MAMDC2: variants seen among roughly 807,000 people sequenced by gnomAD.
The protein encoded by MAMDC2 is MAM domain-containing protein 2.
In MAMDC2, 57 loss-of-function variants were observed where a neutral mutation model predicts 89.8. That is an observed-to-expected ratio of 0.63 (90% CI 0.51 to 0.79). MAMDC2 has a LOEUF of 0.79. Ranked by LOEUF, MAMDC2 falls within the 30% of genes least tolerant of loss-of-function variation. MAMDC2 has a pLI of 0.00. For missense variants in MAMDC2, 800 were observed against 820.6 expected (o/e 0.97, Z 0.31); for synonymous variants, 313 against 293.4 (o/e 1.07, Z -0.68).
intron 11 of MAMDC2, among the ~76,000 whole-genome samples, chr9:70,207,665 G>C (rs2033255686): frequency 6.6e-6 from 1 of 152,276 alleles, no homozygotes; most frequent in East Asian, 1.9e-4. Context: ...TTTGGCTTTT[G>C]TTGTCATTGC....
chr9:70,129,776 T>A lies in MAMDC2; in HGVS notation c.901-1743T>A, dbSNP rs541826161. 4.6e-5 allele frequency among the ~76,000 whole-genome samples: 7 copies of A among 152,368 alleles called. 1 individual carries two copies. In the East Asian group the frequency reaches 1.3e-3, roughly 29 times the overall value. ...GACATTAGGCCTCGTATTTGTTTGC[T>A]AGGACTGCCCATAACAAAGTAGCAC... On this transcript the variant is annotated intron_variant, in intron 6 of 13. Coordinates refer to ENST00000377182, the MANE Select transcript of MAMDC2 (RefSeq NM_153267.5).
intron 11 of MAMDC2, among the ~76,000 whole-genome samples, chr9:70,204,594 C>T (rs1172267480): frequency 4.6e-5 from 7 of 151,480 alleles, no homozygotes; most frequent in Admixed American, 3.9e-4. Context: ...CCAGTTCGAG[C>T]TTCCCGGCTG....
chr9:70,141,812 T>C (rs1019909163), intron 8 of MAMDC2, among the ~76,000 whole-genome samples: 1 of 151,992 alleles, frequency 6.6e-6, no homozygotes, highest in Non-Finnish European at 1.5e-5. Context: ...GACTAGGAAA[T>C]ATATGGAGGA....
In MAMDC2 at chr9:70,138,045, C is replaced by A. The variant is rs143158611; in HGVS notation, c.995-2100C>A. On this transcript the variant is annotated intron_variant, in intron 7 of 13. Coordinates refer to ENST00000377182, the MANE Select transcript of MAMDC2 (RefSeq NM_153267.5). The stretch of plus-strand genomic sequence containing the variant: ...ACCCATTAAGTAATTTCTTACCTTC[C>A]ATACCCCCTCCTACTCCCTCACCCT... Among the ~76,000 whole-genome samples, 555 of 152,220 alleles carry A rather than the reference C, an allele frequency of 3.6e-3. 2 individuals are homozygous for A. The highest frequency in any genetic ancestry group is 0.012 in the African/African-American group (513 of 41,508).
chr9:70,119,010 T>C (rs1254218457), intron 5 of MAMDC2, among the ~76,000 whole-genome samples: 1 of 152,170 alleles, frequency 6.6e-6, no homozygotes, highest in African/African-American at 2.4e-5. Flanking sequence ...GTAAGAATTG[T>C]GATAGGACAT....
chr9:70,120,745 G>A lies in MAMDC2; in HGVS notation c.644-5414G>A, dbSNP rs17088694. ...TTAGCACAGATAGGAGAAGTCTCAC[G>A]TAATATTCATTCATGCTTACGTCAT... is the stretch of plus-strand genomic sequence containing the variant. On this transcript the variant is annotated intron_variant, in intron 5 of 13. Coordinates refer to ENST00000377182, the MANE Select transcript of MAMDC2 (RefSeq NM_153267.5). Among the ~76,000 whole-genome samples the A allele has an allele frequency of 2.8e-3, 427 of 152,298 alleles. 7 individuals carry two copies. In the East Asian group the frequency reaches 0.048, roughly 17 times the overall value.
intron 2 of MAMDC2, among the ~76,000 whole-genome samples, chr9:70,069,009 A>G (rs911886758): frequency 6.6e-6 from 1 of 152,220 alleles, no homozygotes; most frequent in Non-Finnish European, 1.5e-5. Context: ...GAATGGTTCA[A>G]TGTGATTGCA....
At chr9:70,191,818 G>A (rs575122917) in intron 11 of MAMDC2, among the ~76,000 whole-genome samples, 5 of 152,252 alleles carry the variant, frequency 3.3e-5, no homozygotes, top group African/African-American at 1.2e-4. Context: ...TTCAGCTGAT[G>A]AGATTGCTGA....
At position 70,054,388 on chromosome 9, in the gene MAMDC2, A is replaced by T. The variant is rs118167320; in HGVS notation, c.148+9691A>T. Among the ~76,000 whole-genome samples the T allele has an allele frequency of 9.6e-3, 1,455 of 152,198 alleles. 8 individuals are homozygous for T. The highest frequency in any genetic ancestry group is 0.014 in the Non-Finnish European group (947 of 67,986). On this transcript the variant is annotated intron_variant, in intron 2 of 13. Coordinates refer to ENST00000377182, the MANE Select transcript of MAMDC2 (RefSeq NM_153267.5). The stretch of plus-strand genomic sequence containing the variant: ...CGGGCATGTATGAGAAGAATTAGGA[A>T]AGTGGAAGATTGTAGAAGCAAAGGA...
chr9:70,208,395 T>C (rs1204800096), intron 11 of MAMDC2, among the ~76,000 whole-genome samples: 4 of 152,202 alleles, frequency 2.6e-5, no homozygotes, highest in African/African-American at 4.8e-5. Context: ...TTTGAAGCAA[T>C]TGTGAATGGG....
chr9:70,145,094 T>G (rs1426737518), intron 9 of MAMDC2, among the ~76,000 whole-genome samples: 1 of 152,240 alleles, frequency 6.6e-6, no homozygotes, highest in Admixed American at 6.5e-5. Flanking sequence ...TAAACTGATT[T>G]CTAATACCTC....
At position 70,218,454 on chromosome 9, in the gene MAMDC2, A is replaced by T. The variant is rs529235562; in HGVS notation, c.1769A>T (p.Tyr590Phe). 9.0e-5 allele frequency: 146 copies of T among 1,614,176 alleles called. No homozygotes were observed. In the South Asian group the frequency reaches 1.6e-3, roughly 18 times the overall value. The change falls in exon 12 of 14, where the codon TAT (tyrosine) becomes TTT (phenylalanine). Residue 590 changes from tyrosine to phenylalanine, a missense_variant. Tyr to Phe is a conservative substitution (Grantham distance 22). Coordinates refer to ENST00000377182, the MANE Select transcript of MAMDC2 (RefSeq NM_153267.5). ...TGCTTGACCTTTTTCTACCACATGT[A>T]TGGAGGGGGCACTGGCCTGCTGAGT... ...KHCLTFFYHM[Y>F]GGGTGLLSVY...
At chr9:70,089,352 C>T (rs532920054) in intron 2 of MAMDC2, 1 of 152,182 alleles carries the variant, frequency 6.6e-6, no homozygotes, top group Non-Finnish European at 1.5e-5. Flanking sequence ...ATACGTCATC[C>T]ATTTCTGCAA....
intron 2 of MAMDC2, among the ~76,000 whole-genome samples, chr9:70,067,518 G>T (rs1046914154): frequency 1.4e-4 from 22 of 152,288 alleles, no homozygotes; most frequent in African/African-American, 5.1e-4. Context: ...TTAGGAAAAA[G>T]GTTGCCCATA....
At chr9:70,168,651 T>A (rs752570815) in intron 9 of MAMDC2, 51 bp from the exon 10 acceptor site, 4 of 1,478,308 alleles carry the variant, frequency 2.7e-6, no homozygotes, top group Non-Finnish European at 3.8e-6. Context: ...TTGTTAGGAG[T>A]TTCCAGTTTT....
intron 7 of MAMDC2, among the ~76,000 whole-genome samples, chr9:70,134,149 C>G (rs1324861985): frequency 6.6e-6 from 1 of 152,112 alleles, no homozygotes; most frequent in African/African-American, 2.4e-5. Context: ...TAGGCTAAGA[C>G]AGGAATCATA....
At chr9:70,117,667 C>T (rs2030073605) in intron 5 of MAMDC2, among the ~76,000 whole-genome samples, 1 of 151,520 alleles carries the variant, frequency 6.6e-6, no homozygotes, top group African/African-American at 2.4e-5. Flanking sequence ...TTTACAGGAA[C>T]CAACTTTTCC....
chr9:70,126,506 TCA>T, intron 6 of MAMDC2, 91 bp downstream of exon 6: 2 of 1,315,912 alleles, frequency 1.5e-6, no homozygotes, highest in East Asian at 2.4e-5. Context: ...CTGTGCAGCC[TCA>T]CACTCAGTCT....
intron 11 of MAMDC2, among the ~76,000 whole-genome samples, chr9:70,173,335 T>C (rs1927132): frequency 0.86 from 130,375 of 152,192 alleles, 56,089 homozygotes; most frequent in East Asian, 0.96. Context: ...TAGTATTCTG[T>C]CTTATACACA....
Sources: gnomAD v4.1 joint callset for allele counts (sites outside exome capture counted in the v4.1 genomes callset) on GRCh38, gnomAD v4.1.1 for gene constraint, MANE v1.5 for transcripts, NCBI Gene and HGNC (gene_info 2026-07-23, HGNC 2026-07-21) for gene names.